QSER1: variants seen among roughly 807,000 people sequenced by gnomAD.
QSER1 encodes glutamine and serine rich 1, also known as glutamine and serine-rich protein 1.
In QSER1, 49 loss-of-function variants were observed where a neutral mutation model predicts 158.5. The ratio of observed to expected loss-of-function variants is 0.31; its 90% CI spans 0.25 to 0.39. QSER1 has a LOEUF of 0.39. QSER1 is among the 10% of genes least tolerant of loss of function. The pLI is 1.00. For synonymous variants in QSER1, 650 were observed against 715.5 expected, an observed-to-expected ratio of 0.91 and a Z score of 1.46; for missense variants, 1,754 against 2,010.3, an observed-to-expected ratio of 0.87 and a Z score of 2.44.
chr11:32,946,910 G>T (rs1340794002), intron 4 of QSER1, among the ~76,000 whole-genome samples: 1 of 151,908 alleles, frequency 6.6e-6, no homozygotes, highest in Non-Finnish European at 1.5e-5. Context: ...CTCCAAGCCA[G>T]GTGCGGGATA....
In QSER1 at chr11:32,933,404, G is replaced by T; in HGVS notation, c.2146G>T (p.Asp716Tyr). The T allele has an allele frequency of 6.2e-7, 1 of 1,613,928 alleles. No homozygotes were observed. Among genetic ancestry groups the T allele is most frequent in the South Asian group, 1.1e-5 (1 of 91,042 alleles). Residue 716 changes from aspartate to tyrosine, a missense_variant, in exon 4 of 13, where the codon GAT becomes TAT. This residue lies in a region of QSER1 where 1,707 missense variants were observed against 1,919.6 expected (regional missense o/e 0.89). Transcript: ENST00000650167. Reference sequence around the variant, plus strand: ...TGAGTCATCAACCCAAAGGCTATCTGATGGAGAAATTAATGCTCAAGAATC... The same window carrying T: ...TGAGTCATCAACCCAAAGGCTATCTTATGGAGAAATTAATGCTCAAGAATC... ...SLESSTQRLS[D>Y]GEINAQESTY...
At chr11:32,955,232 A>G (rs534439255) in intron 5 of QSER1, 64 bp from the exon 6 acceptor site, 17 of 872,060 alleles carry the variant, frequency 1.9e-5, no homozygotes, top group African/African-American at 8.8e-5. Context: ...TTTCATCTCT[A>G]ATATTCTAAG....
Position 32,958,047 on chromosome 11 carries a change from T to G in QSER1, c.4930T>G (p.Ser1644Ala). 1 of 1,614,126 alleles carries G rather than the reference T, an allele frequency of 6.2e-7. No homozygotes were observed. Among genetic ancestry groups the G allele is most frequent in the Non-Finnish European group, 8.5e-7 (1 of 1,180,000 alleles). ...AGAATTTTCATCATCCCAATCTGACTCATCTCCTGAGATCCATACTAGTAG... is the reference window on the plus strand; with the variant it reads ...AGAATTTTCATCATCCCAATCTGACGCATCTCCTGAGATCCATACTAGTAG... The part of the protein sequence containing the change: ...KEEFSSSQSD[S>A]SPEIHTSSSD... Residue 1644 changes from serine to alanine, a missense_variant, in exon 8 of 13, where the codon TCA becomes GCA. Ser to Ala is a moderately conservative substitution (Grantham distance 99). Coordinates refer to ENST00000650167, the MANE Select transcript of QSER1 (RefSeq NM_001076786.3).
chr11:32,958,426 C>T (rs917350066), intron 8 of QSER1, among the ~76,000 whole-genome samples: 5 of 151,614 alleles, frequency 3.3e-5, no homozygotes, highest in East Asian at 1.9e-4. Flanking sequence ...TTCATTCTGT[C>T]GCCCAGGCTG....
intron 4 of QSER1, among the ~76,000 whole-genome samples, chr11:32,939,961 T>G (rs1450778869): frequency 6.6e-6 from 1 of 151,614 alleles, no homozygotes; most frequent in Non-Finnish European, 1.5e-5. Flanking sequence ...TTTTTTTTTT[T>G]TTTTTTTTGA....
At chr11:32,905,204 C>T (rs1590709965) in intron 1 of QSER1, among the ~76,000 whole-genome samples, 1 of 152,226 alleles carries the variant, frequency 6.6e-6, no homozygotes, top group East Asian at 1.9e-4. Flanking sequence ...CCATCATTCT[C>T]ATTACTGTGT....
chr11:32,934,947 G>T lies in QSER1; in HGVS notation c.3689G>T (p.Arg1230Leu), dbSNP rs769490998. Residue 1230 changes from arginine (R) to leucine (L), a missense_variant, in exon 4 of 13, where the codon CGC (arginine) becomes CTC (leucine). Transcript: ENST00000650167. ...KQLKRPAQGK[R>L]QNPRGTDIYL... The stretch of plus-strand genomic sequence containing the variant: ...CTGAAAAGACCTGCCCAAGGCAAAC[G>T]CCAGAATCCAAGGGGAACAGATATT... 2 of 1,614,018 alleles carry T rather than the reference G, an allele frequency of 1.2e-6. No individual in the cohort carries two copies. The highest frequency in any genetic ancestry group is 2.2e-5 in the East Asian group (1 of 44,890).
In QSER1 at chr11:32,976,460, C is replaced by T. The variant is rs376618444; in HGVS notation, c.5581C>T (p.Gln1861Ter). The T allele has an allele frequency of 1.5e-5, 24 of 1,607,664 alleles. No individual in the cohort carries two copies. The highest frequency in any genetic ancestry group is 5.4e-5 in the African/African-American group (4 of 74,338). Reference sequence around the variant, plus strand: ...TGGAGAACTTCTAAATCATGTACAGCAGAAATGTTCCTGACTTTTCCACAA... The same window carrying T: ...TGGAGAACTTCTAAATCATGTACAGTAGAAATGTTCCTGACTTTTCCACAA... ...KFGELLNHVQQKCS is the reference protein window; with the variant it reads ...KFGELLNHVQ Residue 1861 changes from glutamine to a stop codon, truncating the protein, a stop_gained, in exon 13 of 13, where the codon CAG (glutamine) becomes TAG (stop). Coordinates refer to ENST00000650167, the MANE Select transcript of QSER1 (RefSeq NM_001076786.3). LOFTEE classifies it high-confidence loss of function.
intron 8 of QSER1, among the ~76,000 whole-genome samples, chr11:32,960,737 A>T (rs1852608863): frequency 6.6e-6 from 1 of 152,130 alleles, no homozygotes; most frequent in Non-Finnish European, 1.5e-5. Flanking sequence ...ACAAGGTAAC[A>T]TTTTCTTCCC....
intron 1 of QSER1, among the ~76,000 whole-genome samples, chr11:32,923,696 A>G (rs1279441984): frequency 2.6e-5 from 4 of 151,172 alleles, no homozygotes; most frequent in Non-Finnish European, 1.5e-5. Context: ...AAGGCCGGGC[A>G]CGGTGGCTCA....
Position 32,932,208 on chromosome 11 carries a change from T to G in QSER1, c.950T>G (p.Val317Gly). 1.9e-6 allele frequency: 3 copies of G among 1,614,206 alleles called. No homozygotes were observed. Among genetic ancestry groups the G allele is most frequent in the Non-Finnish European group, 1.7e-6 (2 of 1,180,036 alleles). ...IERALLRECS[V>G]IKHHQRPSGT... is the part of the protein sequence containing the mutation. Reference sequence around the variant, plus strand: ...AGAGCTCTTCTTCGAGAATGTAGTGTTATTAAACACCATCAGCGGCCTTCA... The same window carrying G: ...AGAGCTCTTCTTCGAGAATGTAGTGGTATTAAACACCATCAGCGGCCTTCA... The change falls in exon 4 of 13, where the codon GTT becomes GGT. Residue 317 changes from valine to glycine, a missense_variant. By Grantham distance (109) the Val-to-Gly change is moderately radical. Around this residue, in one of 2 missense-constraint regions of QSER1, gnomAD observed 1,707 missense variants for 1,919.6 expected, o/e 0.89. Coordinates refer to ENST00000650167, the MANE Select transcript of QSER1 (RefSeq NM_001076786.3).
rs1353662388 is a variant in QSER1 at position 32,979,472 on chromosome 11, G to A, written c.*2998G>A. 1 of 152,094 alleles carries A rather than the reference G, an allele frequency of 6.6e-6. No individual in the cohort carries two copies. Among genetic ancestry groups the A allele is most frequent in the Non-Finnish European group, 1.5e-5 (1 of 68,030 alleles). The allele number at this position is 152,094 out of a possible 1,614,324, so 9.4% of individuals were successfully genotyped here. A position where few individuals can be genotyped will look rare whatever the true frequency, so the allele number is the denominator to read the frequency against. ...AATTTCCACTTATTTGAACTCTTAA[G>A]TCATAAATGTATAATGACTTATGAA... On this transcript the variant is annotated 3_prime_UTR_variant, in exon 13 of 13. Coordinates refer to ENST00000650167, the MANE Select transcript of QSER1 (RefSeq NM_001076786.3).
chr11:32,925,766 G>A (rs1851962144), intron 1 of QSER1, among the ~76,000 whole-genome samples: 1 of 151,852 alleles, frequency 6.6e-6, no homozygotes, highest in African/African-American at 2.4e-5. Flanking sequence ...GACCTCAAGT[G>A]ATCCGCCTGC....
chr11:32,894,042 C>T (rs939047733), intron 1 of QSER1, among the ~76,000 whole-genome samples: 2 of 151,352 alleles, frequency 1.3e-5, no homozygotes, highest in African/African-American at 4.9e-5. Flanking sequence ...GCCTTCTATG[C>T]CTCGGGGTGA....
At chr11:32,914,818 T>G (rs1262333625) in intron 1 of QSER1, among the ~76,000 whole-genome samples, 1 of 152,242 alleles carries the variant, frequency 6.6e-6, no homozygotes, top group African/African-American at 2.4e-5. Context: ...TAGAAATTAA[T>G]TTTCTTTGTT....
chr11:32,947,189 T>G (rs1406281300), intron 4 of QSER1, among the ~76,000 whole-genome samples: 1 of 152,242 alleles, frequency 6.6e-6, no homozygotes, highest in African/African-American at 2.4e-5. Context: ...TCACCCGTCT[T>G]CTGCGTCGCT....
At chr11:32,915,921 G>GTTTTTTTT (rs763908776) in intron 1 of QSER1, among the ~76,000 whole-genome samples, 1 of 142,198 alleles carries the variant, frequency 7.0e-6, no homozygotes. Flanking sequence ...ATATAATTTT[G>GTTTTTTTT]TTTTTTTTTT....
At chr11:32,906,111 T>C (rs908409309) in intron 1 of QSER1, among the ~76,000 whole-genome samples, 1 of 150,736 alleles carries the variant, frequency 6.6e-6, no homozygotes, top group Non-Finnish European at 1.5e-5. Context: ...TTAGTTTTTT[T>C]TTTTTTTTTT....
intron 1 of QSER1, among the ~76,000 whole-genome samples, chr11:32,898,482 T>TCACACACACACACACACA (rs71034630): frequency 1.9e-4 from 27 of 143,050 alleles, no homozygotes; most frequent in Non-Finnish European, 3.8e-4. Context: ...TGAGAACCTG[T>TCACACACACACACACACA]CACACACACA....
Sources: gnomAD v4.1 joint callset for allele counts (sites outside exome capture counted in the v4.1 genomes callset) on GRCh38, gnomAD v4.1.1 for gene constraint, gnomAD v4.1.1 regional missense constraint, MANE v1.5 for transcripts, NCBI Gene and HGNC (gene_info 2026-07-23, HGNC 2026-07-21) for gene names.